The following FMNL2 variants were observed in gnomAD, a reference collection of about 807,000 sequenced individuals.
FMNL2 encodes the protein formin like 2, also known as formin-like protein 2.
In FMNL2, 51 loss-of-function variants were observed where a neutral mutation model predicts 130.2. That is an observed-to-expected ratio of 0.39 (90% CI 0.31 to 0.49). FMNL2 has a LOEUF of 0.49. FMNL2 is among the 20% of genes least tolerant of loss of function. The pLI is 0.85. For synonymous variants in FMNL2, 465 were observed against 467.1 expected, an observed-to-expected ratio of 1.00 and a Z score of 0.06; for missense variants, 977 against 1,316.2, an observed-to-expected ratio of 0.74 and a Z score of 3.99.
In FMNL2 at chr2:152,551,619, A is replaced by G. The variant is rs908740507; in HGVS notation, c.359+2522A>G. ...GGGATATCTTCTGAAAAATTACTCAATAATGATGAAAATAATCAGTTACTA... is the reference window on the plus strand; with the variant it reads ...GGGATATCTTCTGAAAAATTACTCAGTAATGATGAAAATAATCAGTTACTA... On this transcript the variant is annotated intron_variant, in intron 4 of 25. Transcript: ENST00000288670. Among the ~76,000 whole-genome samples the G allele has an allele frequency of 4.6e-5, 7 of 152,242 alleles. No individual in the cohort carries two copies. The South Asian group carries it at 1.2e-3, about 27-fold the overall frequency.
intron 1 of FMNL2, among the ~76,000 whole-genome samples, chr2:152,395,908 C>T (rs963657095): frequency 2.1e-5 from 2 of 94,656 alleles, no homozygotes; most frequent in Non-Finnish European, 4.4e-5. Flanking sequence ...GGCCAGGGGG[C>T]GGGGCGGCGG....
intron 1 of FMNL2, among the ~76,000 whole-genome samples, chr2:152,342,654 T>A (rs1248292265): frequency 1.3e-5 from 2 of 152,196 alleles, no homozygotes; most frequent in African/African-American, 2.4e-5. Context: ...TCCTCCCCAG[T>A]GACCCCTTCC....
At chr2:152,612,653 T>C (rs1288641858) in intron 11 of FMNL2, among the ~76,000 whole-genome samples, 2 of 152,210 alleles carry the variant, frequency 1.3e-5, no homozygotes, top group East Asian at 3.8e-4. Context: ...TTTCACTTTG[T>C]CAACCAGGCT....
chr2:152,489,329 C>T (rs1691012871), intron 1 of FMNL2, among the ~76,000 whole-genome samples: 1 of 152,186 alleles, frequency 6.6e-6, no homozygotes, highest in South Asian at 2.1e-4. Context: ...ATTCTGAGGC[C>T]CAAGCTTGGC....
At chr2:152,589,104 C>T (rs1205473987) in intron 9 of FMNL2, among the ~76,000 whole-genome samples, 1 of 109,108 alleles carries the variant, frequency 9.2e-6, no homozygotes, top group Non-Finnish European at 1.8e-5. Context: ...CCTGGGGGAG[C>T]TTAAAAAAAA....
chr2:152,619,523 G>A lies in FMNL2; in HGVS notation c.1642G>A (p.Val548Ile), dbSNP rs991019057. The A allele has an allele frequency of 6.5e-7, 1 of 1,548,400 alleles. No individual in the cohort carries two copies. The highest frequency in any genetic ancestry group is 8.7e-7 in the Non-Finnish European group (1 of 1,146,532). The change falls in exon 15 of 26, where the codon GTA (valine) becomes ATA (isoleucine). Residue 548 changes from valine to isoleucine, a missense_variant. Coordinates refer to ENST00000288670, the MANE Select transcript of FMNL2 (RefSeq NM_052905.4). ...TTCTTTGCTAGTGCAAAATGGTCCAGTAACACCACCTATGCCACCGCCGCC... is the reference window on the plus strand; with the variant it reads ...TTCTTTGCTAGTGCAAAATGGTCCAATAACACCACCTATGCCACCGCCGCC... ...DTPETVQNGP[V>I]TPPMPPPPPP... is the part of the protein sequence containing the mutation.
At chr2:152,542,705 C>A (rs1360099144) in intron 2 of FMNL2, 34 bp from the exon 3 acceptor site, 1 of 1,607,264 alleles carries the variant, frequency 6.2e-7, no homozygotes, top group East Asian at 2.2e-5. Flanking sequence ...TGGCTTCATA[C>A]CTTTCATGCT....
chr2:152,348,850 C>T (rs1328015057), intron 1 of FMNL2, among the ~76,000 whole-genome samples: 3 of 56,128 alleles, frequency 5.3e-5, no homozygotes, highest in Non-Finnish European at 5.8e-5. Context: ...TTTTTTGAGA[C>T]GGAGTCTCGC....
At chr2:152,389,487 C>T (rs759669485) in intron 1 of FMNL2, among the ~76,000 whole-genome samples, 1 of 152,208 alleles carries the variant, frequency 6.6e-6, no homozygotes, top group Non-Finnish European at 1.5e-5. Context: ...TTTGAGGAGA[C>T]ACATTCAGTT....
intron 1 of FMNL2, among the ~76,000 whole-genome samples, chr2:152,416,360 C>G (rs1321802341): frequency 2.6e-5 from 4 of 152,140 alleles, no homozygotes; most frequent in Non-Finnish European, 5.9e-5. Context: ...CTTCTTTTAT[C>G]AAAGCAAAAC....
chr2:152,645,454 A>C, intron 25 of FMNL2: 5 of 1,289,812 alleles, frequency 3.9e-6, no homozygotes, highest in Non-Finnish European at 5.1e-6. Flanking sequence ...GAATAATATC[A>C]CTAAATTTCC....
At chr2:152,506,236 A>C (rs1360184848) in intron 1 of FMNL2, among the ~76,000 whole-genome samples, 1 of 152,174 alleles carries the variant, frequency 6.6e-6, no homozygotes, top group Non-Finnish European at 1.5e-5. Context: ...ATGCAGCTTA[A>C]GATTAAAATT....
At chr2:152,534,425 C>G (rs1693873677) in intron 2 of FMNL2, among the ~76,000 whole-genome samples, 1 of 152,112 alleles carries the variant, frequency 6.6e-6, no homozygotes, top group South Asian at 2.1e-4. Flanking sequence ...TTCAGATAAG[C>G]CAATTAATTT....
intron 1 of FMNL2, among the ~76,000 whole-genome samples, chr2:152,495,401 G>A (rs532983726): frequency 6.6e-6 from 1 of 152,144 alleles, no homozygotes; most frequent in African/African-American, 2.4e-5. Context: ...TGTAATCCCA[G>A]CACTTTGGGA....
At chr2:152,428,596 C>CG (rs1687311008) in intron 1 of FMNL2, among the ~76,000 whole-genome samples, 1 of 152,188 alleles carries the variant, frequency 6.6e-6, no homozygotes, top group Non-Finnish European at 1.5e-5. Flanking sequence ...TTTTTAAGGA[C>CG]TCTCTTTTAA....
chr2:152,424,689 C>T (rs1193844386), intron 1 of FMNL2, among the ~76,000 whole-genome samples: 4 of 151,372 alleles, frequency 2.6e-5, no homozygotes, highest in South Asian at 2.1e-4. Flanking sequence ...ACTCCTAGCC[C>T]GGGCCTACCA....
At chr2:152,347,135 C>T (rs1312171677) in intron 1 of FMNL2, among the ~76,000 whole-genome samples, 2 of 151,958 alleles carry the variant, frequency 1.3e-5, no homozygotes, top group Non-Finnish European at 2.9e-5. Flanking sequence ...CAGTTGCAAC[C>T]AACTCCCAGA....
rs1048202032 is a variant in FMNL2, at chr2:152,619,681, A to G, written c.1800A>G (p.Thr600=). ...CCTCTGCACCTCCGCTGCCTGGAAC[A>G]TCTTCACCCACAGTGGTTTTCAACT... ...PLPSAPPLPG[T]SSPTVVFNSG... The change falls in exon 15 of 26, where the codon ACA becomes ACG. Residue 600 remains threonine, a synonymous_variant. Coordinates refer to ENST00000288670, the MANE Select transcript of FMNL2 (RefSeq NM_052905.4). The G allele has an allele frequency of 1.9e-6, 3 of 1,611,908 alleles. No individual in the cohort carries two copies. The highest frequency in any genetic ancestry group is 1.3e-5 in the African/African-American group (1 of 74,578).
chr2:152,397,394 A>G (rs951264387), intron 1 of FMNL2, among the ~76,000 whole-genome samples: 7 of 152,210 alleles, frequency 4.6e-5, no homozygotes, highest in African/African-American at 7.2e-5. Context: ...GGGGGAAAAA[A>G]AAAAATGAGG....
Sources: allele counts gnomAD v4.1 joint callset (sites outside exome capture counted in the v4.1 genomes callset), GRCh38; gene constraint gnomAD v4.1.1; transcripts MANE v1.5; gene names NCBI Gene and HGNC (gene_info 2026-07-23, HGNC 2026-07-21).